The following TNRC6B variants were observed in gnomAD, a reference collection of about 807,000 sequenced individuals.
The protein encoded by TNRC6B is trinucleotide repeat-containing gene 6B protein.
A neutral mutation model predicts 203.6 loss-of-function variants in TNRC6B; 52 were observed. The ratio of observed to expected loss-of-function variants is 0.26; its 90% CI spans 0.20 to 0.32. The LOEUF (loss-of-function observed/expected upper bound fraction) is 0.32. TNRC6B is among the 10% of genes least tolerant of loss of function. The probability of loss-of-function intolerance (pLI) is 1.00; values close to 1 mark genes in which losing one functional copy is unlikely to be tolerated. For synonymous variants in TNRC6B, 838 were observed against 845.7 expected (o/e 0.99, Z 0.16); for missense variants, 1,923 against 2,286.2 (o/e 0.84, Z 3.24).
chr22:40,123,538 C>T (rs1336234664), intron 2 of TNRC6B, among the ~76,000 whole-genome samples: 2 of 152,210 alleles, frequency 1.3e-5, no homozygotes, highest in African/African-American at 4.8e-5. Flanking sequence ...CTGGCTTAGC[C>T]CAGCCAGCAG....
intron 1 of TNRC6B, among the ~76,000 whole-genome samples, chr22:40,213,301 C>T (rs2146424305): frequency 6.6e-6 from 1 of 152,236 alleles, no homozygotes; most frequent in Middle Eastern, 3.4e-3. Flanking sequence ...ACAAAGCCTG[C>T]AGTGAGAGGC....
chr22:40,059,627 T>C (rs1270013314), intron 1 of TNRC6B, among the ~76,000 whole-genome samples: 1 of 152,190 alleles, frequency 6.6e-6, no homozygotes, highest in Non-Finnish European at 1.5e-5. Context: ...ATTTCTCTTT[T>C]AATCCTAGTT....
chr22:40,172,414 C>A (rs897129562), intron 4 of TNRC6B, among the ~76,000 whole-genome samples: 2 of 152,218 alleles, frequency 1.3e-5, no homozygotes, highest in African/African-American at 4.8e-5. Flanking sequence ...GTACTTAGTA[C>A]ATATTTATTG....
At chr22:40,259,651 G>T (rs1357241079) in intron 3 of TNRC6B, among the ~76,000 whole-genome samples, 1 of 152,198 alleles carries the variant, frequency 6.6e-6, no homozygotes, top group African/African-American at 2.4e-5. Flanking sequence ...TAGACATGGG[G>T]TTACCTGGAA....
rs1041639615 is a variant in TNRC6B, at chr22:40,207,348, C to T, written c.5+29208C>T. 2.0e-5 allele frequency among the ~76,000 whole-genome samples: 3 copies of T among 149,068 alleles called. No homozygotes were observed. In the South Asian group the frequency reaches 6.3e-4, roughly 32 times the overall value. The stretch of plus-strand genomic sequence containing the variant: ...GCCTGAGCTCAGAAGTTCGTGGGCA[C>T]CTCTACTGTGGTCACACCACTGCAC... On this transcript the variant is annotated intron_variant, in intron 1 of 22. Transcript: ENST00000454349.
intron 1 of TNRC6B, among the ~76,000 whole-genome samples, chr22:40,101,219 C>G (rs2068238439): frequency 6.6e-6 from 1 of 152,124 alleles, no homozygotes; most frequent in Admixed American, 6.6e-5. Context: ...GTCTCGATCT[C>G]CTAACCTTGT....
chr22:40,259,513 C>T (rs753393357), intron 3 of TNRC6B, among the ~76,000 whole-genome samples: 7 of 152,178 alleles, frequency 4.6e-5, no homozygotes, highest in Non-Finnish European at 1.0e-4. Context: ...TGAGCCATCG[C>T]GCCTGGCCGA....
intron 12 of TNRC6B, among the ~76,000 whole-genome samples, chr22:40,291,125 C>T (rs762695477): frequency 6.6e-6 from 1 of 152,184 alleles, no homozygotes; most frequent in Non-Finnish European, 1.5e-5. Flanking sequence ...GTGGTTTACT[C>T]CTATAATCCC....
chr22:40,132,943 C>CAAAAAT (rs1292227314), intron 3 of TNRC6B, among the ~76,000 whole-genome samples: 2 of 23,872 alleles, frequency 8.4e-5, no homozygotes, highest in Non-Finnish European at 1.3e-4. Flanking sequence ...GACTCTGTCT[C>CAAAAAT]AAAAAAAAAA....
At chr22:40,154,860 AATATAT>A (rs71199273) in intron 3 of TNRC6B, among the ~76,000 whole-genome samples, 316 of 23,500 alleles carry the variant, frequency 0.013, 3 homozygotes, top group Admixed American at 0.024. Flanking sequence ...AAAAAAAAAA[AATATAT>A]ATATATATAT....
chr22:40,256,387 AT>A (rs2070278600), intron 3 of TNRC6B, among the ~76,000 whole-genome samples: 1 of 152,190 alleles, frequency 6.6e-6, no homozygotes, highest in South Asian at 2.1e-4. Context: ...TTATGGCCAA[AT>A]TCATTTGCCA....
At chr22:40,281,849 T>C (rs2070724737) in intron 11 of TNRC6B, among the ~76,000 whole-genome samples, 1 of 152,138 alleles carries the variant, frequency 6.6e-6, no homozygotes, top group Non-Finnish European at 1.5e-5. Flanking sequence ...CAGTGTTTCA[T>C]TGCACCTGGG....
intron 1 of TNRC6B, among the ~76,000 whole-genome samples, chr22:40,051,592 C>T (rs1228625973): frequency 1.3e-5 from 2 of 152,206 alleles, no homozygotes. Flanking sequence ...ATGTTTCCTG[C>T]TCCCTCCCAA....
intron 4 of TNRC6B, among the ~76,000 whole-genome samples, chr22:40,167,652 G>C (rs2068931295): frequency 2.0e-5 from 3 of 148,200 alleles, no homozygotes; most frequent in Admixed American, 6.8e-5. Context: ...GACCAAAGTG[G>C]GAGGGTTGTT....
At chr22:40,198,614 A>AT (rs1381216059) in intron 1 of TNRC6B, among the ~76,000 whole-genome samples, 3 of 152,112 alleles carry the variant, frequency 2.0e-5, no homozygotes, top group African/African-American at 7.2e-5. Context: ...TATGTTCAGG[A>AT]TAATGGCCCC....
rs367813507 is a variant in TNRC6B, at chr22:40,209,821, C to G, written c.5+31681C>G. On this transcript the variant is annotated intron_variant, in intron 1 of 22. Transcript: ENST00000454349. ...GGATCACGAGGTCAGCAGTTCAACA[C>G]CAGCCTGGCCAAGATGGTAAAACCC... Among the ~76,000 whole-genome samples the G allele has an allele frequency of 2.0e-3, 298 of 152,212 alleles. 10 individuals carry two copies. In the South Asian group the frequency reaches 0.059, roughly 30 times the overall value.
At chr22:40,085,276 A>T (rs76094832) in intron 1 of TNRC6B, among the ~76,000 whole-genome samples, 6,711 of 150,480 alleles carry the variant, frequency 0.045, 446 homozygotes, top group African/African-American at 0.14. Flanking sequence ...GGACTTTTTT[A>T]AAAAAAACTT....
chr22:40,078,314 G>A (rs1200409865), intron 1 of TNRC6B, among the ~76,000 whole-genome samples: 1 of 152,172 alleles, frequency 6.6e-6, no homozygotes. Context: ...TTGAGGCCAG[G>A]AGTTCAAGAC....
At chr22:40,156,976 T>C (rs1375760702) in intron 4 of TNRC6B, among the ~76,000 whole-genome samples, 1 of 151,616 alleles carries the variant, frequency 6.6e-6, no homozygotes, top group Admixed American at 6.6e-5. Context: ...GGTTTCACCA[T>C]GTTAGTCAGG....
Sources: gnomAD v4.1 joint callset for allele counts (sites outside exome capture counted in the v4.1 genomes callset) on GRCh38, gnomAD v4.1.1 for gene constraint, MANE v1.5 for transcripts, NCBI Gene and HGNC (gene_info 2026-07-23, HGNC 2026-07-21) for gene names.